DMD: variants seen among roughly 807,000 people sequenced by gnomAD.
DMD encodes dystrophin, also known as mutant dystrophin.
A neutral mutation model predicts 330.1 loss-of-function variants in DMD; 63 were observed. The ratio of observed to expected loss-of-function variants is 0.19; its 90% CI spans 0.16 to 0.24. DMD has a LOEUF of 0.24. Ranked by LOEUF, DMD falls within the 10% of genes least tolerant of loss-of-function variation. The pLI, the probability that DMD is intolerant of heterozygous loss-of-function variation, is 1.00. For synonymous variants in DMD, 1,223 were observed against 959.8 expected (o/e 1.27, Z -5.07); for missense variants, 3,344 against 2,684.1 (o/e 1.25, Z -5.43).
chrX:32,346,490 CTGAGA>C (rs1346736293), intron 38 of DMD, among the ~76,000 whole-genome samples: 1 of 111,386 alleles, frequency 9.0e-6, no homozygotes, highest in Non-Finnish European at 1.9e-5. Context: ...GTATTTGTGA[CTGAGA>C]TAACAGCAAA....
At chrX:31,582,625 T>TGA (rs2076393606) in intron 55 of DMD, among the ~76,000 whole-genome samples, 1 of 112,104 alleles carries the variant, frequency 8.9e-6, no homozygotes, top group Non-Finnish European at 1.9e-5. Context: ...TAGTGACTAT[T>TGA]CTTTATTAAT....
rs151157681 is a variant in DMD, at chrX:32,570,644, C to T, written c.1812+2886G>A. Among the ~76,000 whole-genome samples, 474 of 111,536 alleles carry T rather than the reference C, an allele frequency of 4.2e-3. 4 individuals carry two copies. The highest frequency in any genetic ancestry group is 0.015 in the African/African-American group (453 of 30,750). On this transcript the variant is annotated intron_variant, in intron 15 of 78. Transcript: ENST00000357033. ...AAGGCCTGGACCTGAGTCTGGATGT[C>T]TTAGTGTTCATTTTAAGTCTGATAC... is the stretch of plus-strand genomic sequence containing the variant.
At chrX:32,442,383 T>C (rs1391774359) in intron 27 of DMD, among the ~76,000 whole-genome samples, 3 of 111,020 alleles carry the variant, frequency 2.7e-5, no homozygotes, top group South Asian at 3.7e-4. Context: ...AAGAGAAATA[T>C]GTATATACAT....
chrX:32,948,912 A>G (rs1048425913), intron 2 of DMD, among the ~76,000 whole-genome samples: 1 of 111,878 alleles, frequency 8.9e-6, no homozygotes, highest in African/African-American at 3.2e-5. Context: ...TCTCAATTTT[A>G]GAGACGATAA....
At chrX:33,214,124 C>A (rs1314554448), upstream of DMD, among the ~76,000 whole-genome samples, 3 of 105,261 alleles carry the variant, frequency 2.9e-5, no homozygotes, top group Non-Finnish European at 3.9e-5. Flanking sequence ...CCTTTTATTG[C>A]TGAGTAGTAG....
intron 60 of DMD, among the ~76,000 whole-genome samples, chrX:31,443,118 G>T (rs2065055339): frequency 9.0e-6 from 1 of 111,203 alleles, no homozygotes; most frequent in South Asian, 3.9e-4. Context: ...TTCCTCAGAG[G>T]CATACCTTCT....
At chrX:32,940,562 G>C (rs2090338397) in intron 2 of DMD, among the ~76,000 whole-genome samples, 1 of 111,415 alleles carries the variant, frequency 9.0e-6, no homozygotes, top group African/African-American at 3.3e-5. Context: ...TAAGCAATGG[G>C]AAAGGACTCC....
intron 1 of DMD, among the ~76,000 whole-genome samples, chrX:33,268,692 T>C (rs185652471): frequency 9.0e-6 from 1 of 111,387 alleles, no homozygotes; most frequent in Admixed American, 9.5e-5. Context: ...TGTAGGAGGC[T>C]TAGGCAGGAG....
rs776667965 is a variant in DMD, at chrX:31,398,746, G to A, written c.9084+45735C>T. On this transcript the variant is annotated intron_variant, in intron 60 of 78. Transcript: ENST00000357033. Reference sequence around the variant, plus strand: ...ACAGTGCCTACAGCCTCAAACTTCTGGGTTCAAGAGATCCTCCCACCTCAG... The same window carrying A: ...ACAGTGCCTACAGCCTCAAACTTCTAGGTTCAAGAGATCCTCCCACCTCAG... Among the ~76,000 whole-genome samples, 216 of 112,231 alleles carry A rather than the reference G, an allele frequency of 1.9e-3. 2 individuals carry two copies. Among genetic ancestry groups the A allele is most frequent in the Admixed American group, 6.4e-3 (68 of 10,611 alleles).
chrX:32,196,708 T>G (rs62589840), intron 44 of DMD, among the ~76,000 whole-genome samples: 35,953 of 109,966 alleles, frequency 0.33, 4,452 homozygotes, highest in Non-Finnish European at 0.38. Context: ...ACAGGTGGCC[T>G]GGCACGGTGG....
At chrX:31,359,290 T>C (rs921307003) in intron 60 of DMD, among the ~76,000 whole-genome samples, 1 of 112,326 alleles carries the variant, frequency 8.9e-6, no homozygotes, top group African/African-American at 3.2e-5. Flanking sequence ...TCTTAGCTCG[T>C]CTAAATAATT....
intron 67 of DMD, among the ~76,000 whole-genome samples, chrX:31,189,049 T>G (rs2042071235): frequency 8.9e-6 from 1 of 111,791 alleles, no homozygotes; most frequent in Non-Finnish European, 1.9e-5. Context: ...TATAAATCCT[T>G]GGACACTGAA....
chrX:32,061,345 T>C (rs1386255751), intron 44 of DMD, among the ~76,000 whole-genome samples: 1 of 111,305 alleles, frequency 9.0e-6, no homozygotes, highest in Non-Finnish European at 1.9e-5. Flanking sequence ...ACCTGCACAC[T>C]GGGCTCGTAT....
intron 29 of DMD, among the ~76,000 whole-genome samples, chrX:32,421,470 T>C (rs1490147727): frequency 9.0e-6 from 1 of 111,429 alleles, no homozygotes; most frequent in Non-Finnish European, 1.9e-5. Flanking sequence ...TTCGAAACAT[T>C]CTGTATAGTG....
intron 48 of DMD, among the ~76,000 whole-genome samples, chrX:31,861,435 T>C (rs1017690931): frequency 9.1e-6 from 1 of 110,048 alleles, no homozygotes; most frequent in Non-Finnish European, 1.9e-5. Flanking sequence ...ATTTATCACA[T>C]AGATATATTT....
chrX:33,128,540 G>A (rs2095478765), intron 1 of DMD: 2 of 699,422 alleles, frequency 2.9e-6, no homozygotes, highest in South Asian at 7.2e-5. Flanking sequence ...TAACTGTGTC[G>A]TCTGCTTTAT....
chrX:32,232,487 C>A (rs755167085), intron 43 of DMD, among the ~76,000 whole-genome samples: 1 of 111,087 alleles, frequency 9.0e-6, no homozygotes, highest in African/African-American at 3.3e-5. Flanking sequence ...AGGATGACAC[C>A]ATGTTAGAAA....
In DMD at chrX:32,364,910, G is replaced by C. The variant is rs1302133377; in HGVS notation, c.5025+110C>G. ...GTTATAGATATTGAATTAAGAGCCA[G>C]CATATACGTAGAATTGAGAAATTTT... On this transcript the variant is annotated intron_variant, in intron 35 of 78. Transcript: ENST00000357033. The C allele has an allele frequency of 1.1e-5, 9 of 855,300 alleles. No homozygotes were observed. In the East Asian group the frequency reaches 3.0e-4, roughly 28 times the overall value. 70.5% of individuals were successfully genotyped at this position (855,300 alleles called of 1,213,427 possible).
intron 63 of DMD, among the ~76,000 whole-genome samples, chrX:31,254,460 G>T (rs1392089602): frequency 1.8e-5 from 2 of 110,892 alleles, no homozygotes; most frequent in East Asian, 5.7e-4. Flanking sequence ...GGGCTCAAGC[G>T]ACCCTCCCAC....
Sources: allele counts gnomAD v4.1 joint callset (sites outside exome capture counted in the v4.1 genomes callset), GRCh38; gene constraint gnomAD v4.1.1; transcripts MANE v1.5; gene names NCBI Gene and HGNC (gene_info 2026-07-23, HGNC 2026-07-21).